The following SATB2 variants were observed in gnomAD, a reference collection of about 807,000 sequenced individuals.
SATB2 encodes SATB homeobox 2.
SATB2 carries 1 observed loss-of-function variant against 73.4 expected under a neutral mutation model. The ratio of observed to expected loss-of-function variants is 0.01; its 90% CI spans 0.00 to 0.06. The LOEUF (loss-of-function observed/expected upper bound fraction) is 0.06. SATB2 is among the 10% of genes least tolerant of loss of function. SATB2 has a pLI of 1.00. For missense variants in SATB2, 459 were observed against 945.8 expected (o/e 0.49, Z 6.75); for synonymous variants, 397 against 367.0 (o/e 1.08, Z -0.93).
chr2:199,279,668 T>C (rs1215250221), intron 10 of SATB2, among the ~76,000 whole-genome samples: 1 of 152,188 alleles, frequency 6.6e-6, no homozygotes, highest in Non-Finnish European at 1.5e-5. Context: ...TCAGGTCCTG[T>C]AGGGTAAGGT....
chr2:199,420,500 C>T (rs1691132347), intron 3 of SATB2, among the ~76,000 whole-genome samples: 1 of 152,136 alleles, frequency 6.6e-6, no homozygotes, highest in Non-Finnish European at 1.5e-5. Flanking sequence ...TGGCCAGCAT[C>T]CCTTATTGAG....
At chr2:199,375,180 C>T (rs1193111799) in intron 5 of SATB2, among the ~76,000 whole-genome samples, 1 of 152,054 alleles carries the variant, frequency 6.6e-6, no homozygotes, top group African/African-American at 2.4e-5. Context: ...AAGTAAGCCA[C>T]AGAAAGATGC....
At chr2:199,371,171 A>C (rs187375828) in intron 5 of SATB2, among the ~76,000 whole-genome samples, 1 of 152,304 alleles carries the variant, frequency 6.6e-6, no homozygotes, top group Admixed American at 6.5e-5. Flanking sequence ...GGAATATTTT[A>C]AAAGAAAGGC....
rs1162298070 is a variant in SATB2, at chr2:199,457,549, A to G, written c.-270T>C. ...TGGTGCGGAGATGGTTGTTATGATG[A>G]TGATGGGGGGAGGGAGGAGGGGGAG... is the stretch of plus-strand genomic sequence containing the variant. On this transcript the variant is annotated 5_prime_UTR_variant, in exon 1 of 11. Coordinates refer to ENST00000417098, the MANE Select transcript of SATB2 (RefSeq NM_001172509.2). The surrounding 1 kb of genome is among the most constrained non-coding windows in gnomAD (Gnocchi z 4.8). 7.2e-6 allele frequency: 1 copy of G among 138,228 alleles called. No individual in the cohort carries two copies. The highest frequency in any genetic ancestry group is 2.6e-5 in the African/African-American group (1 of 37,928). 8.6% of individuals were successfully genotyped at this position (138,228 alleles called of 1,614,324 possible). A position where few individuals can be genotyped will look rare whatever the true frequency, so the allele number is the denominator to read the frequency against.
At chr2:199,397,552 G>C (rs1690337152) in intron 3 of SATB2, 1 of 166,534 alleles carries the variant, frequency 6.0e-6, no homozygotes, top group Non-Finnish European at 1.3e-5. Context: ...AGTCCCAAAG[G>C]AAACCATGAT....
At chr2:199,353,492 T>C (rs1688883526) in intron 6 of SATB2, among the ~76,000 whole-genome samples, 1 of 152,128 alleles carries the variant, frequency 6.6e-6, no homozygotes, top group African/African-American at 2.4e-5. Context: ...ATTTAGTTCT[T>C]GCTGCCACTC....
At chr2:199,440,738 T>C (rs898532929) in intron 2 of SATB2, among the ~76,000 whole-genome samples, 1 of 152,084 alleles carries the variant, frequency 6.6e-6, no homozygotes, top group African/African-American at 2.4e-5. Context: ...ACTCTTATCG[T>C]AGAGGAAGCA....
At position 199,348,900 on chromosome 2, in the gene SATB2, C is replaced by A; in HGVS notation, c.974G>T (p.Arg325Leu). The change falls in exon 7 of 11, where the codon CGG (arginine) becomes CTG (leucine). Residue 325 changes from arginine to leucine, a missense_variant. This residue lies in a region of SATB2 where 35 missense variants were observed against 55.3 expected (regional missense o/e 0.63). Coordinates refer to ENST00000417098, the MANE Select transcript of SATB2 (RefSeq NM_001172509.2). ...TTGAGGATGCTGGTGAGCCAGGAGC[C>A]GGCTAACGGCAATCTGTTGGTTTAT... ...HLINQQIAVS[R>L]LLAHQHPQAI... is the part of the protein sequence containing the mutation. 2 of 1,614,072 alleles carry A rather than the reference C, an allele frequency of 1.2e-6. No individual in the cohort carries two copies. The highest frequency in any genetic ancestry group is 1.7e-6 in the Non-Finnish European group (2 of 1,180,000).
chr2:199,385,714 A>G (rs1689911050), intron 3 of SATB2, among the ~76,000 whole-genome samples: 1 of 152,182 alleles, frequency 6.6e-6, no homozygotes, highest in Non-Finnish European at 1.5e-5. Flanking sequence ...CACTGGCTCA[A>G]GTGAGAGGCA....
rs370291268 is a variant in SATB2, at chr2:199,323,878, G to A, written c.1467C>T (p.Asp489=). 51 of 1,613,362 alleles carry A rather than the reference G, an allele frequency of 3.2e-5. No homozygotes were observed. Among genetic ancestry groups the A allele is most frequent in the African/African-American group, 2.3e-4 (17 of 74,928 alleles). Residue 489 remains aspartate (D), a synonymous_variant, in exon 9 of 11, where the codon GAC becomes GAT. Transcript: ENST00000417098. The part of the protein sequence containing the change: ...ANINITAAIY[D]EIQQEMKRAK... ...CCCTTTTCATCTCCTGTTGGATCTC[G>A]TCATAAATGGCAGCTGTGATGTTGA...
chr2:199,337,894 C>T (rs1559169191), intron 7 of SATB2, among the ~76,000 whole-genome samples: 1 of 152,056 alleles, frequency 6.6e-6, no homozygotes, highest in African/African-American at 2.4e-5. Flanking sequence ...AGGAAAACGC[C>T]TTGTATATAT....
chr2:199,422,480 C>T lies in SATB2; in HGVS notation c.346+10858G>A, dbSNP rs940799596. 2.0e-5 allele frequency among the ~76,000 whole-genome samples: 3 copies of T among 152,128 alleles called. No homozygotes were observed. The South Asian group carries it at 6.2e-4, about 31-fold the overall frequency. ...TCAATTTTGTCATTTAAGCTCAAAACAAGCTCCCCACTCAATTTTAAAATA... is the reference window on the plus strand; with the variant it reads ...TCAATTTTGTCATTTAAGCTCAAAATAAGCTCCCCACTCAATTTTAAAATA... On this transcript the variant is annotated intron_variant, in intron 3 of 10. Coordinates refer to ENST00000417098, the MANE Select transcript of SATB2 (RefSeq NM_001172509.2).
chr2:199,412,777 C>T (rs144337082), intron 3 of SATB2, among the ~76,000 whole-genome samples: 174 of 151,908 alleles, frequency 1.1e-3, no homozygotes, highest in African/African-American at 4.0e-3. Flanking sequence ...CTAATGGGGA[C>T]AAGTCACAGA....
At chr2:199,445,341 T>C (rs1691933681) in intron 2 of SATB2, among the ~76,000 whole-genome samples, 1 of 152,164 alleles carries the variant, frequency 6.6e-6, no homozygotes. Flanking sequence ...CAGGAGAATG[T>C]TCAGTATCAA....
chr2:199,344,211 C>T (rs1688585425), intron 7 of SATB2, among the ~76,000 whole-genome samples: 1 of 152,056 alleles, frequency 6.6e-6, no homozygotes, highest in South Asian at 2.1e-4. Flanking sequence ...CCATGAAATG[C>T]CTATTCATGC....
chr2:199,351,366 T>A (rs1021289812), intron 6 of SATB2, among the ~76,000 whole-genome samples: 3 of 152,136 alleles, frequency 2.0e-5, no homozygotes, highest in Admixed American at 6.5e-5. Flanking sequence ...TTTCGCCATG[T>A]TGGCCAGGCT....
At chr2:199,432,537 G>A (rs189723007) in intron 3 of SATB2, among the ~76,000 whole-genome samples, 211 of 152,212 alleles carry the variant, frequency 1.4e-3, no homozygotes, top group African/African-American at 4.9e-3. Context: ...TGGAAGTTAC[G>A]GATTTCTCTC....
At position 199,329,556 on chromosome 2, in the gene SATB2, G is replaced by A. The variant is rs114549541; in HGVS notation, c.1174-646C>T. On this transcript the variant is annotated intron_variant, in intron 7 of 10. Transcript: ENST00000417098. Reference sequence around the variant, plus strand: ...AGGGCACCCAAATCTTTCATGAGACGTCTTCATGGGGGAAACCCTAATGTC... The same window carrying A: ...AGGGCACCCAAATCTTTCATGAGACATCTTCATGGGGGAAACCCTAATGTC... 7.6e-3 allele frequency among the ~76,000 whole-genome samples: 1,158 copies of A among 151,758 alleles called. 13 individuals carry two copies. Among genetic ancestry groups the A allele is most frequent in the African/African-American group, 0.026 (1,082 of 41,356 alleles).
chr2:199,368,299 A>G (rs1287917799), intron 6 of SATB2, among the ~76,000 whole-genome samples: 4 of 152,170 alleles, frequency 2.6e-5, no homozygotes, highest in Non-Finnish European at 2.9e-5. Flanking sequence ...TACCCAAACT[A>G]TAAGTGCTGA....
Sources: gnomAD v4.1 joint callset for allele counts (sites outside exome capture counted in the v4.1 genomes callset) on GRCh38, gnomAD v4.1.1 for gene constraint, gnomAD v4.1.1 regional missense constraint, Gnocchi (gnomAD v3.1) non-coding constraint, MANE v1.5 for transcripts, NCBI Gene and HGNC (gene_info 2026-07-23, HGNC 2026-07-21) for gene names.